The following CADPS variants were observed in gnomAD, a reference collection of about 807,000 sequenced individuals.
CADPS encodes calcium dependent secretion activator.
CADPS carries 57 observed loss-of-function variants against 167.3 expected under a neutral mutation model. The ratio of observed to expected loss-of-function variants is 0.34; its 90% CI spans 0.28 to 0.42. CADPS has a LOEUF of 0.42. Ranked by LOEUF, CADPS falls within the 20% of genes least tolerant of loss-of-function variation. The pLI is 1.00. For synonymous variants in CADPS, 676 were observed against 635.3 expected, an observed-to-expected ratio of 1.06 and a Z score of -0.96; for missense variants, 1,414 against 1,738.1, an observed-to-expected ratio of 0.81 and a Z score of 3.32.
At chr3:62,485,862 G>A (rs1458136695) in intron 21 of CADPS, among the ~76,000 whole-genome samples, 1 of 152,160 alleles carries the variant, frequency 6.6e-6, no homozygotes, top group Non-Finnish European at 1.5e-5. Context: ...CAAAGTCCTT[G>A]TTTGACAAGG....
chr3:62,667,800 G>T (rs747529130), intron 3 of CADPS, among the ~76,000 whole-genome samples: 1 of 151,916 alleles, frequency 6.6e-6, no homozygotes, highest in East Asian at 1.9e-4. Flanking sequence ...TTTTGGGGGT[G>T]GGGGGAGACA....
At chr3:62,781,180 G>C (rs1278944069) in intron 1 of CADPS, among the ~76,000 whole-genome samples, 1 of 152,116 alleles carries the variant, frequency 6.6e-6, no homozygotes, top group Non-Finnish European at 1.5e-5. Flanking sequence ...ACATAACCAG[G>C]AGACTTGTCC....
intron 8 of CADPS, among the ~76,000 whole-genome samples, chr3:62,571,278 G>C (rs2081241901): frequency 6.6e-6 from 1 of 152,090 alleles, no homozygotes; most frequent in Non-Finnish European, 1.5e-5. Context: ...AAAAAAGAGG[G>C]TGCTAAATCT....
chr3:62,775,221 T>A (rs1271921113), intron 1 of CADPS, among the ~76,000 whole-genome samples: 1 of 1,356 alleles, frequency 7.4e-4, no homozygotes, highest in African/African-American at 2.3e-3. Flanking sequence ...TATTTTTGTA[T>A]TTTTTTTTTT....
intron 3 of CADPS, among the ~76,000 whole-genome samples, chr3:62,687,163 G>C (rs978930542): frequency 6.6e-6 from 1 of 152,090 alleles, no homozygotes; most frequent in African/African-American, 2.4e-5. Flanking sequence ...CTTAGATCAG[G>C]GTTGAGGGGG....
intron 1 of CADPS, among the ~76,000 whole-genome samples, chr3:62,859,475 T>C (rs2080347041): frequency 6.6e-6 from 1 of 152,176 alleles, no homozygotes; most frequent in Admixed American, 6.5e-5. Flanking sequence ...TGAAAAGCTC[T>C]TTGGACTAAA....
intron 11 of CADPS, among the ~76,000 whole-genome samples, chr3:62,536,845 T>A (rs1230649138): frequency 6.6e-6 from 1 of 152,212 alleles, no homozygotes; most frequent in Admixed American, 6.6e-5. Flanking sequence ...TTTATGTTGT[T>A]CTTTAAAAAC....
intron 3 of CADPS, among the ~76,000 whole-genome samples, chr3:62,752,902 A>G (rs504093): frequency 0.89 from 135,942 of 152,310 alleles, 60,750 homozygotes; most frequent in Middle Eastern, 0.93. Flanking sequence ...AGGAAATACA[A>G]GCCCATTTTG....
intron 6 of CADPS, among the ~76,000 whole-genome samples, chr3:62,617,270 C>T (rs145485912): frequency 2.0e-4 from 30 of 151,904 alleles, no homozygotes; most frequent in East Asian, 5.8e-4. Flanking sequence ...CAGAGGAGAA[C>T]GAGATTGATG....
At chr3:62,508,766 A>C (rs1376008171) in intron 17 of CADPS, among the ~76,000 whole-genome samples, 1 of 152,214 alleles carries the variant, frequency 6.6e-6, no homozygotes, top group African/African-American at 2.4e-5. Context: ...AATAAACAAC[A>C]ATTTTTATCA....
At chr3:62,508,104 A>G (rs1301096829) in intron 17 of CADPS, among the ~76,000 whole-genome samples, 1 of 152,204 alleles carries the variant, frequency 6.6e-6, no homozygotes, top group Admixed American at 6.5e-5. Flanking sequence ...AGCTGCACGT[A>G]TATGACTCTA....
At chr3:62,513,515 C>G in intron 16 of CADPS, 1 of 642,358 alleles carries the variant, frequency 1.6e-6, no homozygotes, top group Non-Finnish European at 2.8e-6. Flanking sequence ...ACAGAACCAA[C>G]AGACAAGCCA....
At chr3:62,556,103 T>C (rs17066574) in intron 10 of CADPS, among the ~76,000 whole-genome samples, 7,089 of 152,230 alleles carry the variant, frequency 0.047, 263 homozygotes, top group African/African-American at 0.095. Flanking sequence ...GGATACACAA[T>C]GGCTTAAGAA....
At chr3:62,705,157 A>C (rs1165796464) in intron 3 of CADPS, among the ~76,000 whole-genome samples, 1 of 152,108 alleles carries the variant, frequency 6.6e-6, no homozygotes. Context: ...TTGATGATAG[A>C]CTTTGAGTAA....
At chr3:62,773,318 AT>A (rs2089414967) in intron 1 of CADPS, among the ~76,000 whole-genome samples, 1 of 152,140 alleles carries the variant, frequency 6.6e-6, no homozygotes, top group South Asian at 2.1e-4. Context: ...CACCTTTTAT[AT>A]TATATATGTA....
intron 1 of CADPS, among the ~76,000 whole-genome samples, chr3:62,853,429 A>C (rs2079012428): frequency 6.6e-6 from 1 of 151,662 alleles, no homozygotes; most frequent in Non-Finnish European, 1.5e-5. Context: ...GTTCAAGACA[A>C]GCCTGGCCAA....
intron 9 of CADPS, among the ~76,000 whole-genome samples, chr3:62,563,031 G>C (rs1250089023): frequency 6.6e-6 from 1 of 152,214 alleles, no homozygotes; most frequent in African/African-American, 2.4e-5. Context: ...AATATATTGA[G>C]AGACAGAGGC....
chr3:62,652,351 C>T (rs551823152), intron 4 of CADPS, among the ~76,000 whole-genome samples: 44 of 149,932 alleles, frequency 2.9e-4, no homozygotes, highest in African/African-American at 1.1e-3. Context: ...GAGTAGAACC[C>T]CACCTAGATC....
rs148459803 is a variant in CADPS, at chr3:62,735,827, T to C, written c.888+17614A>G. ...TGGTGGTGAGACAGCTTTGGTTGCA[T>C]GCACACAGATGATACTGTAGGAGAT... On this transcript the variant is annotated intron_variant, in intron 3 of 29. Transcript: ENST00000383710. Among the ~76,000 whole-genome samples the C allele has an allele frequency of 2.6e-4, 39 of 152,326 alleles. No individual in the cohort carries two copies. The East Asian group carries it at 6.9e-3, about 27-fold the overall frequency.
Sources: gnomAD v4.1 joint callset for allele counts (sites outside exome capture counted in the v4.1 genomes callset) on GRCh38, gnomAD v4.1.1 for gene constraint, MANE v1.5 for transcripts, NCBI Gene and HGNC (gene_info 2026-07-23, HGNC 2026-07-21) for gene names.